The following MCU variants were observed in gnomAD, a reference collection of about 807,000 sequenced individuals.
MCU encodes calcium uniporter protein, mitochondrial.
MCU carries 12 observed loss-of-function variants against 45.2 expected under a neutral mutation model. That is an observed-to-expected ratio of 0.27 (90% CI 0.17 to 0.43). MCU has a LOEUF of 0.43. MCU is among the 20% of genes least tolerant of loss of function. MCU has a pLI of 1.00. For missense variants in MCU, 324 were observed against 436.7 expected (o/e 0.74, Z 2.30); for synonymous variants, 160 against 165.1 (o/e 0.97, Z 0.24).
intron 2 of MCU, among the ~76,000 whole-genome samples, chr10:72,842,962 C>G (rs912230312): frequency 6.6e-6 from 1 of 151,802 alleles, no homozygotes; most frequent in Admixed American, 6.6e-5. Flanking sequence ...ATAGCTTTAT[C>G]AGATTCTCAG....
intron 1 of MCU, among the ~76,000 whole-genome samples, chr10:72,790,272 G>A (rs1844139267): frequency 6.6e-6 from 1 of 152,178 alleles, no homozygotes; most frequent in African/African-American, 2.4e-5. Flanking sequence ...CACATTCCCT[G>A]AATCTGTACC....
chr10:72,747,719 C>T (rs1430339495), intron 1 of MCU, among the ~76,000 whole-genome samples: 2 of 151,982 alleles, frequency 1.3e-5, no homozygotes, highest in East Asian at 3.9e-4. Context: ...CGCCTGTGGT[C>T]CCAGCTATTC....
chr10:72,763,475 T>G (rs1299609294), intron 1 of MCU, among the ~76,000 whole-genome samples: 1 of 151,986 alleles, frequency 6.6e-6, no homozygotes. Flanking sequence ...TGAGTATATA[T>G]AGAGGTGTGA....
chr10:72,748,327 C>T (rs961369522), intron 1 of MCU, among the ~76,000 whole-genome samples: 3 of 152,202 alleles, frequency 2.0e-5, no homozygotes, highest in Non-Finnish European at 4.4e-5. Flanking sequence ...GGATTACAGG[C>T]GTGTGCCACC....
chr10:72,726,449 C>T (rs1468361781), intron 1 of MCU, among the ~76,000 whole-genome samples: 1 of 152,086 alleles, frequency 6.6e-6, no homozygotes, highest in Non-Finnish European at 1.5e-5. Context: ...TTCCTTGATG[C>T]AGCTGTACTT....
chr10:72,755,737 G>A (rs1843566411), intron 1 of MCU, among the ~76,000 whole-genome samples: 1 of 152,076 alleles, frequency 6.6e-6, no homozygotes. Context: ...TCTAAATATG[G>A]CATCTCTTCA....
At chr10:72,827,818 G>A (rs1383146548) in intron 1 of MCU, among the ~76,000 whole-genome samples, 2 of 152,190 alleles carry the variant, frequency 1.3e-5, no homozygotes, top group African/African-American at 2.4e-5. Context: ...AGACTTAGAA[G>A]TGGAAATTCA....
chr10:72,778,847 A>C (rs1176740426), intron 1 of MCU, among the ~76,000 whole-genome samples: 1 of 152,172 alleles, frequency 6.6e-6, no homozygotes, highest in Non-Finnish European at 1.5e-5. Flanking sequence ...TAAATACTGG[A>C]AAACCGAAAA....
intron 1 of MCU, among the ~76,000 whole-genome samples, chr10:72,702,942 C>T (rs73284886): frequency 0.052 from 7,907 of 150,944 alleles, 699 homozygotes; most frequent in African/African-American, 0.18. Context: ...GGTGCCATTG[C>T]ACCCCAGCCT....
chr10:72,765,107 AG>A (rs1843707212), intron 1 of MCU, among the ~76,000 whole-genome samples: 2 of 148,948 alleles, frequency 1.3e-5, no homozygotes, highest in African/African-American at 5.0e-5. Flanking sequence ...AAAAAAAAAG[AG>A]AGAGTTAGGG....
intron 1 of MCU, among the ~76,000 whole-genome samples, chr10:72,744,536 A>G (rs1843383605): frequency 6.6e-6 from 1 of 152,212 alleles, no homozygotes; most frequent in Non-Finnish European, 1.5e-5. Context: ...AGGCTGGGGC[A>G]GGAAAATTGC....
At chr10:72,740,959 TCAA>T (rs1267716235) in intron 1 of MCU, among the ~76,000 whole-genome samples, 1 of 152,206 alleles carries the variant, frequency 6.6e-6, no homozygotes, top group Non-Finnish European at 1.5e-5. Context: ...TTAATAGTTA[TCAA>T]CAATATATTA....
chr10:72,810,647 G>GTTGTT (rs1280448610), intron 1 of MCU, among the ~76,000 whole-genome samples: 3 of 150,544 alleles, frequency 2.0e-5, no homozygotes, highest in Admixed American at 6.6e-5. Context: ...TGTTGTTGTT[G>GTTGTT]TTGTTGTTGT....
intron 1 of MCU, among the ~76,000 whole-genome samples, chr10:72,833,496 T>C (rs1333851435): frequency 6.6e-6 from 1 of 152,222 alleles, no homozygotes; most frequent in Non-Finnish European, 1.5e-5. Flanking sequence ...AATGCACACC[T>C]TAATACAGCT....
chr10:72,718,527 T>G (rs1315353649), intron 1 of MCU, among the ~76,000 whole-genome samples: 1 of 152,236 alleles, frequency 6.6e-6, no homozygotes, highest in Non-Finnish European at 1.5e-5. Context: ...CTATTAATCA[T>G]TCATATTTCC....
chr10:72,767,087 T>A (rs1843738177), intron 1 of MCU: 1 of 152,222 alleles, frequency 6.6e-6, no homozygotes, highest in Admixed American at 6.5e-5. Context: ...TTACCTGTCT[T>A]CTGTCATTAA....
rs913316194 is a variant in MCU at position 72,822,042 on chromosome 10, G to A, written c.151-12317G>A. 6.6e-5 allele frequency among the ~76,000 whole-genome samples: 10 copies of A among 152,070 alleles called. No homozygotes were observed. The South Asian group carries it at 1.7e-3, about 25-fold the overall frequency. ...TGTAATCCCAGCACTTTGGGAGGCC[G>A]AGGTGGGCAGATCACCTGAGGTCAG... is the stretch of plus-strand genomic sequence containing the variant. On this transcript the variant is annotated intron_variant, in intron 1 of 7. Transcript: ENST00000373053.
At chr10:72,723,174 C>T (rs531489628) in intron 1 of MCU, among the ~76,000 whole-genome samples, 23 of 151,700 alleles carry the variant, frequency 1.5e-4, no homozygotes, top group Non-Finnish European at 2.8e-4. Context: ...CCAGCCTGGG[C>T]GACAGAGCGA....
intron 1 of MCU, among the ~76,000 whole-genome samples, chr10:72,831,384 A>G (rs1463435905): frequency 6.6e-6 from 1 of 152,212 alleles, no homozygotes; most frequent in African/African-American, 2.4e-5. Flanking sequence ...GGAAAGAAAA[A>G]AGAAACATAG....
Sources: allele counts gnomAD v4.1 joint callset (sites outside exome capture counted in the v4.1 genomes callset), GRCh38; gene constraint gnomAD v4.1.1; transcripts MANE v1.5; gene names NCBI Gene and HGNC (gene_info 2026-07-23, HGNC 2026-07-21).